The following GRB14 variants were observed in gnomAD, a reference collection of about 807,000 sequenced individuals.
GRB14 encodes growth factor receptor bound protein 14.
GRB14 carries 38 observed loss-of-function variants against 69.1 expected under a neutral mutation model. The ratio of observed to expected loss-of-function variants is 0.55; its 90% CI spans 0.42 to 0.72. GRB14 has a LOEUF of 0.72. GRB14 is among the 30% of genes least tolerant of loss of function. GRB14 has a pLI of 0.00. For missense variants in GRB14, 666 were observed against 666.1 expected (o/e 1.00, Z 0.00); for synonymous variants, 247 against 241.3 (o/e 1.02, Z -0.22).
intron 2 of GRB14, among the ~76,000 whole-genome samples, chr2:164,596,262 T>C (rs1213836552): frequency 6.6e-6 from 1 of 152,232 alleles, no homozygotes; most frequent in Non-Finnish European, 1.5e-5. Context: ...CATACAGTGA[T>C]AGAAGTAACA....
chr2:164,617,148 C>A (rs1234317241), intron 2 of GRB14, among the ~76,000 whole-genome samples: 1 of 152,170 alleles, frequency 6.6e-6, no homozygotes, highest in Non-Finnish European at 1.5e-5. Context: ...AGCCTCCCTC[C>A]TCCTCAACTT....
Position 164,619,710 on chromosome 2 carries a change from T to C in GRB14, c.301A>G (p.Lys101Glu), listed in dbSNP as rs1690397746. ...ACCTGTTTTTTCCTTGAATTTGCTT[T>C]GGGAAATAGGTCTGCTGACAACACA... is the stretch of plus-strand genomic sequence containing the variant. ...TSVLSADLFP[K>E]ANSRKKQVIK... The change falls in exon 2 of 14, where the codon AAA (lysine) becomes GAA (glutamate). Residue 101 changes from lysine to glutamate, a missense_variant. Lys to Glu is a moderately conservative substitution (Grantham distance 56, BLOSUM62 1). Transcript: ENST00000263915. The C allele has an allele frequency of 1.3e-6, 2 of 1,580,782 alleles. No homozygotes were observed. Among genetic ancestry groups the C allele is most frequent in the Non-Finnish European group, 8.5e-7 (1 of 1,171,104 alleles).
rs755824887 is a variant in GRB14, at chr2:164,508,867, T to A, written c.817-15A>T. The stretch of plus-strand genomic sequence containing the variant: ...TGCCGCGGTTCCTTAAAAAAAAAAG[T>A]ATTGACATGGATACATATTTTTGCA... On this transcript the variant is annotated splice_polypyrimidine_tract_variant and intron_variant, in intron 6 of 13. Coordinates refer to ENST00000263915, the MANE Select transcript of GRB14 (RefSeq NM_004490.3). The A allele has an allele frequency of 6.8e-7, 1 of 1,468,696 alleles. No individual in the cohort carries two copies. Among genetic ancestry groups the A allele is most frequent in the African/African-American group, 1.4e-5 (1 of 70,326 alleles). The allele number at this position is 1,468,696 out of a possible 1,614,324, so 91.0% of individuals were successfully genotyped here.
chr2:164,505,493 G>A (rs1687165491), intron 8 of GRB14, among the ~76,000 whole-genome samples: 1 of 152,142 alleles, frequency 6.6e-6, no homozygotes, highest in South Asian at 2.1e-4. Flanking sequence ...CGCAATATCA[G>A]TGGAACACAG....
At chr2:164,567,845 T>A (rs1179401130) in intron 2 of GRB14, among the ~76,000 whole-genome samples, 1 of 152,158 alleles carries the variant, frequency 6.6e-6, no homozygotes, top group African/African-American at 2.4e-5. Context: ...AACCTGAGAA[T>A]AAACTGGTAA....
intron 2 of GRB14, among the ~76,000 whole-genome samples, chr2:164,579,609 T>C (rs1689345026): frequency 6.6e-6 from 1 of 151,752 alleles, no homozygotes; most frequent in Non-Finnish European, 1.5e-5. Flanking sequence ...TGGGGGGAAA[T>C]GAGTCTCTGG....
chr2:164,572,047 A>G (rs1689136235), intron 2 of GRB14, among the ~76,000 whole-genome samples: 1 of 152,330 alleles, frequency 6.6e-6, no homozygotes, highest in Non-Finnish European at 1.5e-5. Flanking sequence ...GGAGAATTCA[A>G]AGTTAATCAA....
intron 2 of GRB14, among the ~76,000 whole-genome samples, chr2:164,569,334 T>C (rs919573658): frequency 6.6e-6 from 1 of 151,968 alleles, no homozygotes; most frequent in African/African-American, 2.4e-5. Context: ...TTCAATGAAG[T>C]CTAAATAAAA....
intron 6 of GRB14, among the ~76,000 whole-genome samples, chr2:164,512,474 A>C (rs746626021): frequency 4.6e-5 from 7 of 152,132 alleles, no homozygotes; most frequent in Non-Finnish European, 7.4e-5. Context: ...GCCGATTTCC[A>C]GGGTTTTTGG....
At chr2:164,568,792 A>G (rs1409620403) in intron 2 of GRB14, among the ~76,000 whole-genome samples, 1 of 152,204 alleles carries the variant, frequency 6.6e-6, no homozygotes, top group Non-Finnish European at 1.5e-5. Context: ...GGTCTATTTA[A>G]AGTATATAAA....
chr2:164,522,802 T>G (rs1687667550), intron 5 of GRB14, among the ~76,000 whole-genome samples: 1 of 152,026 alleles, frequency 6.6e-6, no homozygotes, highest in Admixed American at 6.6e-5. Flanking sequence ...TGCCACTGAA[T>G]CACAAAAAGG....
chr2:164,528,987 C>T (rs1453677605), intron 3 of GRB14, among the ~76,000 whole-genome samples: 1 of 152,054 alleles, frequency 6.6e-6, no homozygotes, highest in Non-Finnish European at 1.5e-5. Context: ...TCACAATAGC[C>T]AAAAGGTGGA....
chr2:164,545,317 G>A (rs916336004), intron 3 of GRB14, among the ~76,000 whole-genome samples: 2 of 151,842 alleles, frequency 1.3e-5, no homozygotes, highest in African/African-American at 4.8e-5. Context: ...ATGTCACGTG[G>A]AAAAAAAATT....
rs1686790888 is a variant in GRB14, at chr2:164,492,808, C to A, written c.*228G>T. 2.5e-6 allele frequency: 1 copy of A among 404,162 alleles called. No individual in the cohort carries two copies. The highest frequency in any genetic ancestry group is 4.4e-6 in the Non-Finnish European group (1 of 228,832). The allele number at this position is 404,162 out of a possible 1,614,324, so 25.0% of individuals were successfully genotyped here. Reference sequence around the variant, plus strand: ...AATGTAAAAATCACACAAGAACACACCAAGTCATTTTTTTCCTAAGGTTTA... The same window carrying A: ...AATGTAAAAATCACACAAGAACACAACAAGTCATTTTTTTCCTAAGGTTTA... On this transcript the variant is annotated 3_prime_UTR_variant, in exon 14 of 14. Transcript: ENST00000263915.
chr2:164,621,322 G>C lies in GRB14; in HGVS notation c.-13C>G. 2 of 1,282,474 alleles carry C rather than the reference G, an allele frequency of 1.6e-6. No individual in the cohort carries two copies. The highest frequency in any genetic ancestry group is 5.5e-4 in the Middle Eastern group (2 of 3,616). The allele number at this position is 1,282,474 out of a possible 1,614,324, so 79.4% of individuals were successfully genotyped here. On this transcript the variant is annotated 5_prime_UTR_variant, in exon 1 of 14. Transcript: ENST00000263915. This position sits in a 1 kb window ranked among gnomAD's most constrained non-coding sequence, Gnocchi z 6.0. ...GGGAAGTGGTCATTGTCGCCGGCCGGGGGGCTCGGGCGTCATGGGAGACTC... is the reference window on the plus strand; with the variant it reads ...GGGAAGTGGTCATTGTCGCCGGCCGCGGGGCTCGGGCGTCATGGGAGACTC...
chr2:164,569,071 C>A (rs1414298654), intron 2 of GRB14, among the ~76,000 whole-genome samples: 1 of 151,814 alleles, frequency 6.6e-6, no homozygotes, highest in African/African-American at 2.4e-5. Context: ...GTATTAAATA[C>A]AAAGAGGGGA....
intron 6 of GRB14, among the ~76,000 whole-genome samples, chr2:164,513,471 G>C (rs1687392645): frequency 6.6e-6 from 1 of 152,122 alleles, no homozygotes; most frequent in Admixed American, 6.5e-5. Flanking sequence ...CAGAGAGAAA[G>C]GGAGAAGGCC....
chr2:164,528,932 G>A (rs571893963), intron 3 of GRB14, among the ~76,000 whole-genome samples: 135 of 152,138 alleles, frequency 8.9e-4, no homozygotes, highest in African/African-American at 3.2e-3. Flanking sequence ...GCGAAAGCAG[G>A]GACTCAAACA....
At chr2:164,599,049 G>A (rs764093925) in intron 2 of GRB14, among the ~76,000 whole-genome samples, 2 of 152,188 alleles carry the variant, frequency 1.3e-5, no homozygotes, top group Non-Finnish European at 2.9e-5. Flanking sequence ...TAAAAGGCAC[G>A]CAGCTGGTGT....
Sources: allele counts gnomAD v4.1 joint callset (sites outside exome capture counted in the v4.1 genomes callset), GRCh38; gene constraint gnomAD v4.1.1; non-coding constraint Gnocchi (gnomAD v3.1); transcripts MANE v1.5; gene names NCBI Gene and HGNC (gene_info 2026-07-23, HGNC 2026-07-21).